Variants in LLGL2 observed in about 807,000 individuals in gnomAD.
LLGL2 encodes the protein LLGL2, scribble cell polarity complex component.
In LLGL2, 81 loss-of-function variants were observed where a neutral mutation model predicts 123.2. The ratio of observed to expected loss-of-function variants is 0.66; its 90% CI spans 0.55 to 0.79. The LOEUF is 0.79. LLGL2 is among the 30% of genes least tolerant of loss of function. The pLI, the probability that LLGL2 is intolerant of heterozygous loss-of-function variation, is 0.00. For synonymous variants in LLGL2, 577 were observed against 594.1 expected (o/e 0.97, Z 0.42); for missense variants, 1,273 against 1,414.6 (o/e 0.90, Z 1.61).
rs1390514921 is a variant in LLGL2 at position 75,558,598 on chromosome 17, T to C, written c.342T>C (p.Asp114=). Reference sequence around the variant, plus strand: ...GCGGGGCATCGGAGCTGCAGGAGGATGAGAGCTTCACACTGCGTGGACCCC... The same window carrying C: ...GCGGGGCATCGGAGCTGCAGGAGGACGAGAGCTTCACACTGCGTGGACCCC... ...VKGGASELQE[D]ESFTLRGPPG... is the part of the protein sequence containing the mutation. Residue 114 remains aspartate, a synonymous_variant, in exon 5 of 26, where the codon GAT becomes GAC. Transcript: ENST00000392550. The surrounding 1 kb of genome is among the most constrained non-coding windows in gnomAD (Gnocchi z 4.0). 8 of 1,610,072 alleles carry C rather than the reference T, an allele frequency of 5.0e-6. No individual in the cohort carries two copies. Among genetic ancestry groups the C allele is most frequent in the Non-Finnish European group, 5.9e-6 (7 of 1,178,428 alleles).
chr17:75,547,466 C>T (rs1159898299), intron 2 of LLGL2, among the ~76,000 whole-genome samples: 2 of 152,312 alleles, frequency 1.3e-5, no homozygotes, highest in Non-Finnish European at 2.9e-5. Context: ...GTAAAATGGG[C>T]ATTGTAGGGG....
At chr17:75,545,944 G>A (rs917928276) in intron 2 of LLGL2, among the ~76,000 whole-genome samples, 1 of 152,140 alleles carries the variant, frequency 6.6e-6, no homozygotes, top group Admixed American at 6.5e-5. Flanking sequence ...AGATTATTTA[G>A]CAGTGTCCCT....
intron 1 of LLGL2, among the ~76,000 whole-genome samples, chr17:75,538,914 CAA>C (rs145731607): frequency 0.15 from 22,756 of 151,906 alleles, 2,103 homozygotes; most frequent in African/African-American, 0.25. Context: ...TTTTTAGAAA[CAA>C]GAGTCTCGCT....
At chr17:75,555,305 T>C (rs960515207) in intron 2 of LLGL2, among the ~76,000 whole-genome samples, 8 of 124,074 alleles carry the variant, frequency 6.4e-5, no homozygotes, top group Non-Finnish European at 1.5e-4. Context: ...TTTTTTTTTT[T>C]TTGAGACGGA....
In LLGL2 at chr17:75,568,806, C is replaced by G; in HGVS notation, c.1289C>G (p.Pro430Arg). ...ATTGATGGTGGCACCAGCCTGACCC[C>G]AGCCCCACCCCAGAGGGACCTGCTG... ...WPIDGGTSLT[P>R]APPQRDLLLT... is the part of the protein sequence containing the mutation. The change falls in exon 12 of 26, where the codon CCA becomes CGA. Residue 430 changes from proline to arginine, a missense_variant. Physicochemically the swap from Pro to Arg is moderately radical, Grantham distance 103. Transcript: ENST00000392550. 4 of 1,598,924 alleles carry G rather than the reference C, an allele frequency of 2.5e-6. No individual in the cohort carries two copies. Among genetic ancestry groups the G allele is most frequent in the Non-Finnish European group, 3.4e-6 (4 of 1,171,532 alleles).
chr17:75,574,556 G>A (rs1410279708), intron 24 of LLGL2, 54 bp from the exon 25 acceptor site: 35 of 1,597,264 alleles, frequency 2.2e-5, no homozygotes, highest in Non-Finnish European at 2.4e-5. Context: ...GCTCAGGGGA[G>A]CGCTGAGAGT....
At chr17:75,565,471 T>G (rs2055405818) in intron 10 of LLGL2, among the ~76,000 whole-genome samples, 1 of 152,162 alleles carries the variant, frequency 6.6e-6, no homozygotes, top group Non-Finnish European at 1.5e-5. Context: ...TCTCAGCCTC[T>G]CCTCCCTCCT....
intron 16 of LLGL2, 116 bp from the exon 17 acceptor site, chr17:75,570,834 C>G (rs2055672715): frequency 1.5e-6 from 2 of 1,343,928 alleles, no homozygotes; most frequent in East Asian, 4.6e-5. Flanking sequence ...GCAGGCCTGG[C>G]AGGTGGCTGG....
intron 1 of LLGL2, among the ~76,000 whole-genome samples, chr17:75,541,525 T>C (rs1180545824): frequency 3.3e-5 from 5 of 152,242 alleles, no homozygotes; most frequent in Admixed American, 6.5e-5. Flanking sequence ...GGCCACCTGC[T>C]CTTCCCCAGC....
chr17:75,561,434 G>A (rs1212429541), intron 6 of LLGL2, among the ~76,000 whole-genome samples: 1 of 152,124 alleles, frequency 6.6e-6, no homozygotes, highest in Non-Finnish European at 1.5e-5. Flanking sequence ...AGACTAGCCT[G>A]GGCAACATAG....
At chr17:75,528,407 G>T (rs746842601) in intron 1 of LLGL2, among the ~76,000 whole-genome samples, 1 of 152,034 alleles carries the variant, frequency 6.6e-6, no homozygotes, top group African/African-American at 2.4e-5. Context: ...AAGCCACCGC[G>T]CCCGGCCTTA....
At chr17:75,566,306 C>T (rs557048191) in intron 10 of LLGL2, among the ~76,000 whole-genome samples, 7 of 152,320 alleles carry the variant, frequency 4.6e-5, no homozygotes, top group Non-Finnish European at 1.0e-4. Context: ...GCCTCTGCTC[C>T]AGAAGGATCT....
chr17:75,569,904 C>A, intron 14 of LLGL2, 59 bp from the exon 15 acceptor site: 6 of 1,520,892 alleles, frequency 3.9e-6, no homozygotes, highest in Non-Finnish European at 4.4e-6. Flanking sequence ...CTAGTAGCAT[C>A]CTGCGGCCCT....
intron 12 of LLGL2, 44 bp downstream of exon 12, chr17:75,568,883 G>T: frequency 6.4e-7 from 1 of 1,564,324 alleles, no homozygotes; most frequent in Non-Finnish European, 8.7e-7. Flanking sequence ...AGTAGGATAT[G>T]TGGGGTGGGA....
chr17:75,570,906 A>T, intron 16 of LLGL2, 44 bp from the exon 17 acceptor site: 1 of 1,553,852 alleles, frequency 6.4e-7, no homozygotes, highest in Admixed American at 1.9e-5. Context: ...GTTCCTGGGG[A>T]GGGGAGTCCA....
Position 75,568,681 on chromosome 17 carries a change from C to T in LLGL2, c.1242C>T (p.His414=). The T allele has an allele frequency of 6.2e-7, 1 of 1,613,728 alleles. No homozygotes were observed. The highest frequency in any genetic ancestry group is 1.1e-5 in the South Asian group (1 of 91,066). ...IIAAGSRQNA[H]FSTMEWPIDG... The stretch of plus-strand genomic sequence containing the variant: ...CCGCCGGCAGCCGGCAGAACGCACA[C>T]TTCTCCACCATGGTAGGTCTGGCCC... The change falls in exon 11 of 26, where the codon CAC becomes CAT. Residue 414 remains histidine (H), a synonymous_variant. Transcript: ENST00000392550.
chr17:75,551,553 T>C (rs1428491156), intron 2 of LLGL2, among the ~76,000 whole-genome samples: 2 of 151,976 alleles, frequency 1.3e-5, no homozygotes, highest in Non-Finnish European at 2.9e-5. Context: ...TGCGGGTGGT[T>C]GAAGGATGGG....
chr17:75,563,064 A>G lies in LLGL2; in HGVS notation c.579A>G (p.Ala193=), dbSNP rs1030901092. Residue 193 remains alanine, a synonymous_variant, in exon 7 of 26, where the codon GCA becomes GCG. Transcript: ENST00000392550. ...GGCGTGTGTTCGAGATGGTGGAGGC[A>G]CTGCAGGAGCACCCTCGAGACCCCA... ...RHRRVFEMVE[A]LQEHPRDPNQ... 1 of 1,613,102 alleles carries G rather than the reference A, an allele frequency of 6.2e-7. No individual in the cohort carries two copies. The highest frequency in any genetic ancestry group is 1.3e-5 in the African/African-American group (1 of 75,068).
chr17:75,574,729 C>A, intron 25 of LLGL2, 61 bp downstream of exon 25: 1 of 1,594,792 alleles, frequency 6.3e-7, no homozygotes, highest in South Asian at 1.1e-5. Flanking sequence ...GGAGGAAGAG[C>A]CCCGGCCCCA....
Sources: allele counts gnomAD v4.1 joint callset (sites outside exome capture counted in the v4.1 genomes callset), GRCh38; gene constraint gnomAD v4.1.1; non-coding constraint Gnocchi (gnomAD v3.1); transcripts MANE v1.5; gene names NCBI Gene and HGNC (gene_info 2026-07-23, HGNC 2026-07-21).